The following SPAG16 variants were observed in gnomAD, a reference collection of about 807,000 sequenced individuals.
SPAG16 encodes sperm-associated antigen 16 protein.
A neutral mutation model predicts 80.4 loss-of-function variants in SPAG16; 86 were observed. The observed-to-expected ratio is 1.07, with a 90% CI of 0.90 to 1.28. The LOEUF (loss-of-function observed/expected upper bound fraction) is 1.28. Ranked by LOEUF, SPAG16 falls within the 50% of genes most tolerant of loss-of-function variation. The pLI is 0.00. For missense variants in SPAG16, 870 were observed against 765.3 expected (o/e 1.14, Z -1.61); for synonymous variants, 294 against 265.9 (o/e 1.11, Z -1.03).
At chr2:214,398,837 G>T (rs1156315476) in intron 15 of SPAG16, among the ~76,000 whole-genome samples, 1 of 152,144 alleles carries the variant, frequency 6.6e-6, no homozygotes, top group Admixed American at 6.5e-5. Context: ...TACTTGGTTG[G>T]CATCCTTGTT....
chr2:214,109,359 C>T (rs1438015297), intron 14 of SPAG16, among the ~76,000 whole-genome samples: 1 of 152,050 alleles, frequency 6.6e-6, no homozygotes, highest in African/African-American at 2.4e-5. Context: ...CATAGATGAC[C>T]TCTCAGGTTC....
intron 11 of SPAG16, among the ~76,000 whole-genome samples, chr2:213,872,771 A>G (rs1279727899): frequency 2.6e-5 from 4 of 152,086 alleles, no homozygotes; most frequent in African/African-American, 9.7e-5. Flanking sequence ...TTCTATTTCT[A>G]GTCGAATATG....
At chr2:213,434,289 C>G (rs1316975720) in intron 9 of SPAG16, among the ~76,000 whole-genome samples, 3 of 152,048 alleles carry the variant, frequency 2.0e-5, no homozygotes, top group Admixed American at 6.6e-5. Flanking sequence ...AAACTAGACT[C>G]CTATCTCTCA....
intron 11 of SPAG16, among the ~76,000 whole-genome samples, chr2:213,922,078 T>C (rs934636028): frequency 3.3e-5 from 5 of 152,230 alleles, no homozygotes; most frequent in African/African-American, 9.6e-5. Context: ...TCTCTAGCAA[T>C]GTTAGAAAGT....
At chr2:214,293,598 G>C (rs1693944377) in intron 15 of SPAG16, among the ~76,000 whole-genome samples, 1 of 152,210 alleles carries the variant, frequency 6.6e-6, no homozygotes. Context: ...GCTCAGGTTG[G>C]GACAGCAGTG....
intron 15 of SPAG16, among the ~76,000 whole-genome samples, chr2:214,364,828 CT>C (rs1200016721): frequency 4.6e-5 from 7 of 151,798 alleles, no homozygotes; most frequent in Non-Finnish European, 7.4e-5. Flanking sequence ...AAATGCATTC[CT>C]TTTTTTTCCT....
chr2:213,409,205 T>TTA (rs2068828741), intron 9 of SPAG16, among the ~76,000 whole-genome samples: 1 of 151,914 alleles, frequency 6.6e-6, no homozygotes, highest in Non-Finnish European at 1.5e-5. Context: ...GAAAAAAAGG[T>TTA]TATAAAAGGG....
chr2:213,728,055 G>A (rs998329597), intron 10 of SPAG16, among the ~76,000 whole-genome samples: 3 of 152,008 alleles, frequency 2.0e-5, no homozygotes, highest in Non-Finnish European at 4.4e-5. Flanking sequence ...CACTACGTTG[G>A]TCAGGCTGGT....
In SPAG16 at chr2:213,980,270, CTCT is replaced by C. The variant is rs2045638664; in HGVS notation, c.1401-33680_1401-33678del. Reference sequence around the variant, plus strand: ...TAGAATATATGTGTGTATATATATTCTCTATATATATAGAATATATGTGTGTAT... The same window carrying C: ...TAGAATATATGTGTGTATATATATTCATATATATAGAATATATGTGTGTAT... On this transcript the variant is annotated intron_variant, in intron 12 of 15. Transcript: ENST00000331683. 4.1e-4 allele frequency among the ~76,000 whole-genome samples: 12 copies of C among 29,596 alleles called. 3 individuals are homozygous for C. Among genetic ancestry groups the C allele is most frequent in the African/African-American group, 1.3e-3 (5 of 3,902 alleles). The allele number at this position is 29,596 out of a possible 152,430, so 19.4% of individuals were successfully genotyped here.
chr2:213,581,693 G>C (rs2060303449), intron 10 of SPAG16, among the ~76,000 whole-genome samples: 2 of 152,086 alleles, frequency 1.3e-5, no homozygotes, highest in Non-Finnish European at 2.9e-5. Flanking sequence ...AGCTAAAAAG[G>C]AGCCTTTCAC....
chr2:213,639,519 A>T (rs1328962627), intron 10 of SPAG16, among the ~76,000 whole-genome samples: 2 of 152,136 alleles, frequency 1.3e-5, no homozygotes, highest in Non-Finnish European at 2.9e-5. Context: ...TTTTGCTGGC[A>T]AAAAAATCTT....
At chr2:213,346,160 A>T (rs2064972961) in intron 6 of SPAG16, among the ~76,000 whole-genome samples, 2 of 152,196 alleles carry the variant, frequency 1.3e-5, no homozygotes, top group East Asian at 1.9e-4. Context: ...ATGGGAGTTC[A>T]CTCATGATTT....
intron 10 of SPAG16, among the ~76,000 whole-genome samples, chr2:213,538,536 A>G (rs969715040): frequency 5.9e-5 from 9 of 152,146 alleles, no homozygotes; most frequent in Admixed American, 1.3e-4. Flanking sequence ...CAGTTAACCT[A>G]GAGAAAACAA....
chr2:214,404,599 A>T (rs902609979), intron 15 of SPAG16, among the ~76,000 whole-genome samples: 4 of 152,168 alleles, frequency 2.6e-5, no homozygotes, highest in Admixed American at 1.3e-4. Flanking sequence ...TAGTGTCTTT[A>T]AAAAAAGGAT....
intron 15 of SPAG16, among the ~76,000 whole-genome samples, chr2:214,332,447 T>C (rs1696987792): frequency 6.6e-6 from 1 of 152,204 alleles, no homozygotes; most frequent in South Asian, 2.1e-4. Flanking sequence ...GTCAAACGGC[T>C]AAGTCAATCT....
intron 11 of SPAG16, among the ~76,000 whole-genome samples, chr2:213,863,106 T>C (rs2075546971): frequency 2.0e-5 from 3 of 152,206 alleles, no homozygotes. Flanking sequence ...CTGGGCCCTG[T>C]AATTTCTGAA....
intron 10 of SPAG16, among the ~76,000 whole-genome samples, chr2:213,826,214 A>C (rs375958155): frequency 6.6e-6 from 1 of 151,292 alleles, no homozygotes; most frequent in Non-Finnish European, 1.5e-5. Context: ...TTGTTTCATT[A>C]ATCTTTTGTA....
chr2:214,361,788 GC>G (rs1177025547), intron 15 of SPAG16, among the ~76,000 whole-genome samples: 1 of 151,826 alleles, frequency 6.6e-6, no homozygotes, highest in Admixed American at 6.6e-5. Flanking sequence ...CTTCTGTGAA[GC>G]CTTTTAATTA....
intron 10 of SPAG16, among the ~76,000 whole-genome samples, chr2:213,510,404 A>AT (rs1029794973): frequency 2.6e-5 from 4 of 151,990 alleles, no homozygotes; most frequent in African/African-American, 9.7e-5. Flanking sequence ...TTATTATTTT[A>AT]TTTTTTTACA....
Sources: gnomAD v4.1 joint callset for allele counts (sites outside exome capture counted in the v4.1 genomes callset) on GRCh38, gnomAD v4.1.1 for gene constraint, MANE v1.5 for transcripts, NCBI Gene and HGNC (gene_info 2026-07-23, HGNC 2026-07-21) for gene names.